Variants in CREBRF observed in about 807,000 individuals in gnomAD.
CREBRF encodes UPF0474 protein C5orf41.
In CREBRF, 5 loss-of-function variants were observed where a neutral mutation model predicts 66.1. The observed-to-expected ratio is 0.08, with a 90% CI of 0.04 to 0.16. The LOEUF is 0.16. Among genes scored for constraint, CREBRF ranks in the 10% least tolerant of loss-of-function variants. The pLI, the probability that CREBRF is intolerant of heterozygous loss-of-function variation, is 1.00. For synonymous variants in CREBRF, 229 were observed against 264.4 expected (o/e 0.87, Z 1.30); for missense variants, 531 against 744.9 (o/e 0.71, Z 3.34).
chr5:173,080,217 T>C (rs1033722986), intron 1 of CREBRF, among the ~76,000 whole-genome samples: 4 of 152,180 alleles, frequency 2.6e-5, no homozygotes, highest in African/African-American at 9.6e-5. Flanking sequence ...TAGATGGAAT[T>C]AAATTTTGAG....
intron 4 of CREBRF, among the ~76,000 whole-genome samples, chr5:173,094,614 A>C (rs1337569489): frequency 6.6e-6 from 1 of 152,084 alleles, no homozygotes; most frequent in Non-Finnish European, 1.5e-5. Flanking sequence ...TCCTTTGCCC[A>C]TTTTTTAATT....
At chr5:173,058,712 C>G (rs1476664817) in intron 1 of CREBRF, among the ~76,000 whole-genome samples, 4 of 150,442 alleles carry the variant, frequency 2.7e-5, no homozygotes, top group Non-Finnish European at 5.9e-5. Flanking sequence ...GTCTCGATCT[C>G]CTGACTTCGT....
At chr5:173,064,559 ATTTTTTTTT>A (rs1217486982) in intron 1 of CREBRF, among the ~76,000 whole-genome samples, 57 of 107,644 alleles carry the variant, frequency 5.3e-4, no homozygotes, top group Non-Finnish European at 7.0e-4. Context: ...CACCTGGTTA[ATTTTTTTTT>A]TTTTTTTTTT....
chr5:173,095,130 T>C (rs1006406463), intron 4 of CREBRF, among the ~76,000 whole-genome samples: 1 of 151,972 alleles, frequency 6.6e-6, no homozygotes, highest in East Asian at 1.9e-4. Context: ...CTCTGTTTCA[T>C]TGGTATATAT....
chr5:173,118,018 A>T (rs1091969), intron 7 of CREBRF, among the ~76,000 whole-genome samples: 5 of 151,634 alleles, frequency 3.3e-5, no homozygotes, highest in Non-Finnish European at 7.4e-5. Flanking sequence ...GGACTACAGG[A>T]GTCTGCCACC....
intron 4 of CREBRF, among the ~76,000 whole-genome samples, chr5:173,105,088 A>AT (rs1467991680): frequency 1.3e-5 from 2 of 152,176 alleles, no homozygotes; most frequent in African/African-American, 4.8e-5. Flanking sequence ...GTTCGTATAA[A>AT]TGGAGCTAAC....
At position 173,123,082 on chromosome 5, in the gene CREBRF, A is replaced by G. The variant is rs747106574; in HGVS notation, c.1684A>G (p.Asn562Asp). 6.3e-7 allele frequency: 1 copy of G among 1,591,666 alleles called. No homozygotes were observed. Among genetic ancestry groups the G allele is most frequent in the Non-Finnish European group, 8.5e-7 (1 of 1,174,514 alleles). ...AAGTGTTTTGTTCTGTCTTACAGAT[A>G]ATTTATTGTTTGTAATCAACTCCAT... Reference protein sequence around the residue: ...KLWGLNTEYDNLLFVINSIKQ... With the variant: ...KLWGLNTEYDDLLFVINSIKQ... Residue 562 changes from asparagine to aspartate, a missense_variant and splice_region_variant, in exon 8 of 9, where the codon AAT becomes GAT. Physicochemically the swap from Asn to Asp is conservative, Grantham distance 23. Coordinates refer to ENST00000296953, the MANE Select transcript of CREBRF (RefSeq NM_153607.3).
At chr5:173,093,440 A>G (rs1285069427) in intron 4 of CREBRF, among the ~76,000 whole-genome samples, 3 of 152,250 alleles carry the variant, frequency 2.0e-5, no homozygotes, top group Admixed American at 2.0e-4. Context: ...GCTAATTAAC[A>G]TACCCATCAC....
intron 7 of CREBRF, among the ~76,000 whole-genome samples, chr5:173,121,382 G>A (rs1384805110): frequency 6.6e-6 from 1 of 151,612 alleles, no homozygotes; most frequent in African/African-American, 2.4e-5. Context: ...GAGTGCAGTG[G>A]CGCAGTCTCG....
At chr5:173,125,573 A>C (rs1288253515) in intron 8 of CREBRF, among the ~76,000 whole-genome samples, 1 of 152,148 alleles carries the variant, frequency 6.6e-6, no homozygotes, top group Admixed American at 6.6e-5. Flanking sequence ...TTAACATTTA[A>C]AAACATGGCA....
At chr5:173,078,643 C>G (rs1041051394) in intron 1 of CREBRF, among the ~76,000 whole-genome samples, 1 of 151,280 alleles carries the variant, frequency 6.6e-6, no homozygotes. Flanking sequence ...ACTGCAAACT[C>G]TGCCTCCCGG....
chr5:173,067,727 G>A (rs1429011672), intron 1 of CREBRF, among the ~76,000 whole-genome samples: 2 of 152,192 alleles, frequency 1.3e-5, no homozygotes, highest in African/African-American at 2.4e-5. Flanking sequence ...GCCGGGTGCC[G>A]TGGCTCACAC....
chr5:173,119,193 C>CT (rs1394425550), intron 7 of CREBRF, among the ~76,000 whole-genome samples: 1 of 152,148 alleles, frequency 6.6e-6, no homozygotes, highest in African/African-American at 2.4e-5. Flanking sequence ...TTTCAAATTA[C>CT]TTTATCATCT....
intron 7 of CREBRF, among the ~76,000 whole-genome samples, chr5:173,114,097 T>G (rs1758930899): frequency 6.6e-6 from 1 of 152,246 alleles, no homozygotes; most frequent in Non-Finnish European, 1.5e-5. Context: ...TCTTTTATCT[T>G]GATTATTTTG....
intron 1 of CREBRF, among the ~76,000 whole-genome samples, chr5:173,070,212 G>C (rs1757557168): frequency 6.6e-6 from 1 of 152,092 alleles, no homozygotes; most frequent in South Asian, 2.1e-4. Context: ...AAATTTTGAA[G>C]AAGAGTTCAA....
At chr5:173,085,336 C>A in intron 2 of CREBRF, 2 of 1,210,998 alleles carry the variant, frequency 1.7e-6, no homozygotes, top group South Asian at 2.5e-5. Context: ...GAGAGATGTT[C>A]ATAGCAGCAC....
chr5:173,136,958 TA>T lies in CREBRF; in HGVS notation c.*3227del, dbSNP rs11323849. 0.39 allele frequency: 56,988 copies of T among 144,888 alleles called. 11,462 individuals carry two copies. The highest frequency in any genetic ancestry group is 0.46 in the Non-Finnish European group (30,076 of 65,808). The allele number at this position is 144,888 out of a possible 1,614,324, so 9.0% of individuals were successfully genotyped here. A position where few individuals can be genotyped will look rare whatever the true frequency, so the allele number is the denominator to read the frequency against. On this transcript the variant is annotated 3_prime_UTR_variant, in exon 9 of 9. Coordinates refer to ENST00000296953, the MANE Select transcript of CREBRF (RefSeq NM_153607.3). Reference sequence around the variant, plus strand: ...CTTTGACTCTAGTACTACTATGATTTAAAAAAAAAAAAAACCAACAAAAACC... The same window carrying T: ...CTTTGACTCTAGTACTACTATGATTTAAAAAAAAAAAAACCAACAAAAACC...
intron 4 of CREBRF, among the ~76,000 whole-genome samples, chr5:173,093,216 G>A (rs1324312648): frequency 6.6e-6 from 1 of 152,102 alleles, no homozygotes; most frequent in East Asian, 1.9e-4. Flanking sequence ...GTGCTTAAAG[G>A]AATATATAGA....
At chr5:173,126,909 G>A (rs898072307) in intron 8 of CREBRF, among the ~76,000 whole-genome samples, 3 of 152,106 alleles carry the variant, frequency 2.0e-5, no homozygotes, top group Non-Finnish European at 4.4e-5. Flanking sequence ...TGTGGTGGCT[G>A]AGCACAGTGG....
Sources: allele counts gnomAD v4.1 joint callset (sites outside exome capture counted in the v4.1 genomes callset), GRCh38; gene constraint gnomAD v4.1.1; transcripts MANE v1.5; gene names NCBI Gene and HGNC (gene_info 2026-07-23, HGNC 2026-07-21).